The following DNAH12 variants were observed in gnomAD, a reference collection of about 807,000 sequenced individuals.
The protein encoded by DNAH12 is axonemal beta dynein heavy chain 12.
Under a neutral mutation model 371.5 loss-of-function variants are expected in DNAH12, and 285 were observed. The ratio of observed to expected loss-of-function variants is 0.77; its 90% CI spans 0.70 to 0.85. The LOEUF (loss-of-function observed/expected upper bound fraction) is 0.85, where lower values mean the gene tolerates loss of function less well. Among genes scored for constraint, DNAH12 ranks in the 40% least tolerant of loss-of-function variants. The pLI, the probability that DNAH12 is intolerant of heterozygous loss-of-function variation, is 0.00. For synonymous variants in DNAH12, 1,200 were observed against 1,213.0 expected (o/e 0.99, Z 0.22); for missense variants, 3,611 against 3,689.4 (o/e 0.98, Z 0.55).
intron 37 of DNAH12, among the ~76,000 whole-genome samples, chr3:57,415,771 GTCTTTT>G (rs1484313245): frequency 6.8e-6 from 1 of 146,464 alleles, no homozygotes; most frequent in Non-Finnish European, 1.5e-5. Context: ...TTTATTTTGT[GTCTTTT>G]TATTTTTTAT....
chr3:57,530,563 A>C (rs2068805267), intron 2 of DNAH12: 1 of 679,538 alleles, frequency 1.5e-6, no homozygotes, highest in Non-Finnish European at 2.7e-6. Flanking sequence ...TTTTTGTTTA[A>C]AATCTCTTCC....
chr3:57,403,571 T>C, intron 42 of DNAH12, 70 bp from the exon 43 acceptor site: 1 of 1,328,570 alleles, frequency 7.5e-7, no homozygotes, highest in Non-Finnish European at 1.0e-6. Context: ...ATGTAACTAT[T>C]GTTTCACTTT....
chr3:57,517,375 T>C (rs1452559340), intron 4 of DNAH12, among the ~76,000 whole-genome samples: 3 of 152,182 alleles, frequency 2.0e-5, no homozygotes, highest in Admixed American at 1.3e-4. Flanking sequence ...TATGCATAGA[T>C]ATTTGTTAAG....
intron 10 of DNAH12, 116 bp from the exon 11 acceptor site, chr3:57,501,528 G>A: frequency 1.5e-6 from 1 of 658,096 alleles, no homozygotes; most frequent in Admixed American, 3.6e-5. Flanking sequence ...TATTAATAGA[G>A]TATTAACATA....
chr3:57,467,728 T>C (rs1054430802), intron 17 of DNAH12, among the ~76,000 whole-genome samples: 1 of 152,162 alleles, frequency 6.6e-6, no homozygotes, highest in Non-Finnish European at 1.5e-5. Context: ...AATCTTCTAC[T>C]GCCTTTCTTG....
rs192000187 is a variant in DNAH12, at chr3:57,487,599, G to C, written c.1514+1910C>G. Among the ~76,000 whole-genome samples the C allele has an allele frequency of 2.1e-3, 324 of 152,118 alleles. 1 individual carries two copies. The highest frequency in any genetic ancestry group is 1.1e-3 in the Non-Finnish European group (75 of 68,006). Reference sequence around the variant, plus strand: ...GCCCAAGCAGATGCTAAACCAAACGGTGAAGTAAGCAAATTGCTCTTCAGT... The same window carrying C: ...GCCCAAGCAGATGCTAAACCAAACGCTGAAGTAAGCAAATTGCTCTTCAGT... On this transcript the variant is annotated intron_variant, in intron 12 of 73. Coordinates refer to ENST00000495027, the MANE Select transcript of DNAH12 (RefSeq NM_001366028.2).
chr3:57,394,839 C>CCTGT (rs1559612458), intron 43 of DNAH12, among the ~76,000 whole-genome samples: 7 of 152,124 alleles, frequency 4.6e-5, no homozygotes, highest in Non-Finnish European at 1.0e-4. Context: ...CTAGACGCTT[C>CCTGT]AGTGTAGACA....
chr3:57,309,337 A>ATTAAGCTAATTATCCATTCTGAGAATAAT, intron 68 of DNAH12, 83 bp from the exon 69 acceptor site: 1 of 1,097,226 alleles, frequency 9.1e-7, no homozygotes, highest in Non-Finnish European at 1.3e-6. Context: ...ATAATAGCTA[A>ATTAAGCTAATTATCCATTCTGAGAATAAT]TACTAGGGTG....
chr3:57,498,205 A>AAAAAGTAAAAG (rs2067382872), intron 11 of DNAH12: 1 of 313,354 alleles, frequency 3.2e-6, no homozygotes, highest in Non-Finnish European at 5.8e-6. Flanking sequence ...AAACAATAGT[A>AAAAAGTAAAAG]AAAAGTAAAA....
intron 25 of DNAH12, among the ~76,000 whole-genome samples, chr3:57,448,186 T>A (rs1410050681): frequency 6.6e-6 from 1 of 152,196 alleles, no homozygotes; most frequent in African/African-American, 2.4e-5. Context: ...GAGGTGAGTC[T>A]TACAGCTCTT....
intron 55 of DNAH12, 53 bp from the exon 56 acceptor site, chr3:57,368,313 T>G (rs2063094348): frequency 6.6e-6 from 1 of 152,214 alleles, no homozygotes; most frequent in African/African-American, 2.4e-5. Flanking sequence ...TTGAGATTTC[T>G]TTAAAATTAT....
intron 62 of DNAH12, 106 bp downstream of exon 62, chr3:57,334,343 AATGAACTGTAAGCTGG>A (rs1358427211): frequency 2.7e-6 from 3 of 1,094,032 alleles, no homozygotes; most frequent in Non-Finnish European, 2.5e-6. Flanking sequence ...CAAAGAGCTC[AATGAACTGTAAGCTGG>A]ATAATCAATC....
intron 2 of DNAH12, among the ~76,000 whole-genome samples, chr3:57,542,155 TGGGG>T (rs35978339): frequency 0.044 from 3,595 of 82,236 alleles, 169 homozygotes; most frequent in Admixed American, 0.055. Flanking sequence ...TCCACTAAAC[TGGGG>T]GGGGGGGGGG....
chr3:57,302,558 T>G (rs1559535390), intron 69 of DNAH12, among the ~76,000 whole-genome samples: 2 of 101,232 alleles, frequency 2.0e-5, no homozygotes, highest in African/African-American at 7.9e-5. Flanking sequence ...TATATATATA[T>G]ATATATGTAT....
chr3:57,535,437 A>G (rs1365768890), intron 2 of DNAH12, among the ~76,000 whole-genome samples: 2 of 152,104 alleles, frequency 1.3e-5, no homozygotes, highest in African/African-American at 2.4e-5. Flanking sequence ...TCATGTTATC[A>G]CTCAGCAAGA....
intron 45 of DNAH12, among the ~76,000 whole-genome samples, chr3:57,389,809 T>A (rs1313297017): frequency 1.1e-5 from 1 of 90,392 alleles, no homozygotes; most frequent in Admixed American, 1.1e-4. Flanking sequence ...TGTGTGTGTG[T>A]GTGTGTGTGT....
At chr3:57,334,686 C>A in intron 61 of DNAH12, 77 bp from the exon 62 acceptor site, 2 of 1,507,646 alleles carry the variant, frequency 1.3e-6, no homozygotes, top group Non-Finnish European at 8.8e-7. Context: ...GGAGTAGAAA[C>A]CAGACAGCTA....
chr3:57,511,032 T>C, intron 4 of DNAH12, 53 bp from the exon 5 acceptor site: 1 of 1,381,690 alleles, frequency 7.2e-7, no homozygotes, highest in Non-Finnish European at 9.8e-7. Flanking sequence ...CATTTCAGTG[T>C]AACTCCTGAA....
intron 4 of DNAH12, among the ~76,000 whole-genome samples, chr3:57,516,930 T>C (rs188990372): frequency 2.9e-4 from 44 of 152,338 alleles, no homozygotes; most frequent in African/African-American, 9.6e-4. Flanking sequence ...CTCTGGCTCC[T>C]GACCCCCTTT....
Sources: allele counts gnomAD v4.1 joint callset (sites outside exome capture counted in the v4.1 genomes callset), GRCh38; gene constraint gnomAD v4.1.1; transcripts MANE v1.5; gene names NCBI Gene and HGNC (gene_info 2026-07-23, HGNC 2026-07-21).